Variants in KCNK10 observed in about 807,000 individuals in gnomAD.
KCNK10 encodes the protein potassium channel subfamily K member 10.
A neutral mutation model predicts 47.7 loss-of-function variants in KCNK10; 25 were observed. The observed-to-expected ratio is 0.52, with a 90% CI of 0.38 to 0.73. The LOEUF is 0.73. KCNK10 is among the 30% of genes least tolerant of loss of function. KCNK10 has a pLI of 0.00. For synonymous variants in KCNK10, 303 were observed against 285.6 expected, an observed-to-expected ratio of 1.06 and a Z score of -0.61; for missense variants, 563 against 714.5, an observed-to-expected ratio of 0.79 and a Z score of 2.42.
chr14:88,223,677 T>C (rs993185773), intron 4 of KCNK10, among the ~76,000 whole-genome samples: 1 of 152,208 alleles, frequency 6.6e-6, no homozygotes, highest in African/African-American at 2.4e-5. Context: ...TAAAGAACTT[T>C]GCATCCCTCT....
intron 1 of KCNK10, among the ~76,000 whole-genome samples, chr14:88,313,243 A>C (rs1888362434): frequency 6.6e-6 from 1 of 152,240 alleles, no homozygotes; most frequent in Non-Finnish European, 1.5e-5. Context: ...TTAGCCTAGC[A>C]CGTGGTGCCT....
intron 1 of KCNK10, among the ~76,000 whole-genome samples, chr14:88,312,907 T>C (rs995156947): frequency 1.1e-4 from 17 of 152,184 alleles, no homozygotes; most frequent in African/African-American, 3.6e-4. Context: ...TCTAGAATAA[T>C]GTTTCAAGCC....
At chr14:88,205,516 A>G (rs1451053169) in intron 4 of KCNK10, among the ~76,000 whole-genome samples, 1 of 150,008 alleles carries the variant, frequency 6.7e-6, no homozygotes, top group Non-Finnish European at 1.5e-5. Context: ...TGCCTGGCAC[A>G]GTGCATTTTT....
At chr14:88,317,103 T>C (rs971172362) in intron 1 of KCNK10, among the ~76,000 whole-genome samples, 3 of 152,198 alleles carry the variant, frequency 2.0e-5, no homozygotes, top group Non-Finnish European at 4.4e-5. Flanking sequence ...AACCAAATCT[T>C]GGCCAAGACA....
chr14:88,323,576 G>A (rs1888599652), upstream of KCNK10: 1 of 151,136 alleles, frequency 6.6e-6, no homozygotes, highest in African/African-American at 2.4e-5. Flanking sequence ...GCGGGGCGGC[G>A]GGAGGCGGTG....
At chr14:88,282,779 T>G (rs1363077719) in intron 1 of KCNK10, among the ~76,000 whole-genome samples, 2 of 152,184 alleles carry the variant, frequency 1.3e-5, no homozygotes, top group African/African-American at 4.8e-5. Flanking sequence ...AATTACAGCA[T>G]GTAATACCTT....
chr14:88,261,897 C>T (rs932553244), intron 2 of KCNK10, among the ~76,000 whole-genome samples: 3 of 152,034 alleles, frequency 2.0e-5, no homozygotes, highest in Admixed American at 6.6e-5. Context: ...GCTATGAAAT[C>T]ATATTTACTC....
At chr14:88,301,460 T>C (rs1287332034) in intron 1 of KCNK10, among the ~76,000 whole-genome samples, 1 of 152,142 alleles carries the variant, frequency 6.6e-6, no homozygotes, top group Non-Finnish European at 1.5e-5. Context: ...TTTATTAAAC[T>C]AACAAATAGA....
chr14:88,192,498 G>C, intron 4 of KCNK10, 88 bp from the exon 5 acceptor site: 2 of 1,157,346 alleles, frequency 1.7e-6, no homozygotes, highest in Non-Finnish European at 2.5e-6. Context: ...TACTGTGTCA[G>C]TGACTTTTAA....
In KCNK10 at chr14:88,185,959, G is replaced by T. The variant is rs748708835; in HGVS notation, c.1208C>A (p.Ser403Tyr). 9 of 1,613,840 alleles carry T rather than the reference G, an allele frequency of 5.6e-6. No homozygotes were observed. Among genetic ancestry groups the T allele is most frequent in the Non-Finnish European group, 6.8e-6 (8 of 1,180,026 alleles). Residue 403 changes from serine (S) to tyrosine (Y), a missense_variant, in exon 7 of 7, where the codon TCT becomes TAT. Ser to Tyr is a moderately radical substitution (Grantham distance 144). Transcript: ENST00000319231. This position sits in a 1 kb window ranked among gnomAD's most constrained non-coding sequence, Gnocchi z 4.3. ...SLDMLSPEKRSVFAALDTGRF... is the reference protein window; with the variant it reads ...SLDMLSPEKRYVFAALDTGRF... Reference sequence around the variant, plus strand: ...GCCGGTGTCCAGGGCAGCAAAGACAGAGCGCTTCTCGGGGGACAGCATGTC... The same window carrying T: ...GCCGGTGTCCAGGGCAGCAAAGACATAGCGCTTCTCGGGGGACAGCATGTC...
intron 4 of KCNK10, among the ~76,000 whole-genome samples, chr14:88,220,777 G>T (rs1244268191): frequency 2.0e-5 from 3 of 151,918 alleles, no homozygotes; most frequent in Non-Finnish European, 2.9e-5. Context: ...AACATAGGAA[G>T]AAATCTACAT....
chr14:88,229,966 A>G (rs1886110166), intron 3 of KCNK10, among the ~76,000 whole-genome samples: 1 of 152,176 alleles, frequency 6.6e-6, no homozygotes, highest in Admixed American at 6.6e-5. Flanking sequence ...GAGACTACAC[A>G]GATTTCTGTT....
intron 4 of KCNK10, among the ~76,000 whole-genome samples, chr14:88,193,065 G>A (rs1195302091): frequency 1.3e-5 from 2 of 152,302 alleles, no homozygotes; most frequent in Non-Finnish European, 2.9e-5. Flanking sequence ...TGTCTGAGCT[G>A]GTGCTGTGAT....
Position 88,185,878 on chromosome 14 carries a change from A to G in KCNK10, c.1289T>C (p.Leu430Pro), listed in dbSNP as rs1884537671. 6.2e-7 allele frequency: 1 copy of G among 1,613,718 alleles called. No individual in the cohort carries two copies. The highest frequency in any genetic ancestry group is 8.5e-7 in the Non-Finnish European group (1 of 1,180,010). Residue 430 changes from leucine to proline, a missense_variant, in exon 7 of 7, where the codon CTG becomes CCG. Leu to Pro is a moderately conservative substitution (Grantham distance 98). Transcript: ENST00000319231. The surrounding 1 kb of genome is among the most constrained non-coding windows in gnomAD (Gnocchi z 4.3). ...SINNRPNNLR[L>P]KGPEQLNKHG... ...CTTGTTCAGCTGCTCCGGCCCCTTCAGGCGCAGGTTGTTGGGCCGGTTGTT... is the reference window on the plus strand; with the variant it reads ...CTTGTTCAGCTGCTCCGGCCCCTTCGGGCGCAGGTTGTTGGGCCGGTTGTT...
intron 4 of KCNK10, among the ~76,000 whole-genome samples, chr14:88,226,651 C>T (rs1025244871): frequency 8.5e-5 from 13 of 152,254 alleles, no homozygotes; most frequent in Non-Finnish European, 1.5e-4. Context: ...TTGGGAACCC[C>T]GGTTTAATCA....
chr14:88,318,075 G>C (rs1888466009), intron 1 of KCNK10, among the ~76,000 whole-genome samples: 1 of 152,222 alleles, frequency 6.6e-6, no homozygotes, highest in African/African-American at 2.4e-5. Flanking sequence ...GAGAAAAGAA[G>C]GAAAACAGCG....
chr14:88,270,972 AC>A (rs1887393127), intron 1 of KCNK10: 2 of 637,306 alleles, frequency 3.1e-6, no homozygotes, highest in African/African-American at 1.8e-5. Flanking sequence ...ACCCACTGCC[AC>A]GCCCCCACAA....
rs1419593135 is a variant in KCNK10 at position 88,181,435 on chromosome 14, TGTGTGA to T, written c.*4094_*4099del. 3.4e-4 allele frequency: 48 copies of T among 139,442 alleles called. No homozygotes were observed. The highest frequency in any genetic ancestry group is 8.7e-4 in the African/African-American group (27 of 30,960). The allele number at this position is 139,442 out of a possible 1,614,324, so 8.6% of individuals were successfully genotyped here. ...GTGTGCGTGTGTGTGTGTGTGTGTG[TGTGTGA>T]GAGAGAGAGAGATGTCTGTCTGATC... On this transcript the variant is annotated 3_prime_UTR_variant, in exon 7 of 7. Coordinates refer to ENST00000319231, the MANE Select transcript of KCNK10 (RefSeq NM_138317.3).
At chr14:88,232,835 C>T (rs1886192769) in intron 3 of KCNK10, among the ~76,000 whole-genome samples, 1 of 152,280 alleles carries the variant, frequency 6.6e-6, no homozygotes. Flanking sequence ...TTGGGAAAGC[C>T]CCCCTTCCTG....
Sources: allele counts gnomAD v4.1 joint callset (sites outside exome capture counted in the v4.1 genomes callset), GRCh38; gene constraint gnomAD v4.1.1; non-coding constraint Gnocchi (gnomAD v3.1); transcripts MANE v1.5; gene names NCBI Gene and HGNC (gene_info 2026-07-23, HGNC 2026-07-21).